The following SV2C variants were observed in gnomAD, a reference collection of about 807,000 sequenced individuals.
The protein encoded by SV2C is synaptic vesicle glycoprotein 2C, also known as solute carrier family 22 member B3.
Under a neutral mutation model 79.7 loss-of-function variants are expected in SV2C, and 49 were observed. The ratio of observed to expected loss-of-function variants is 0.61; its 90% CI spans 0.49 to 0.78. The LOEUF (loss-of-function observed/expected upper bound fraction) is 0.78. SV2C is among the 30% of genes least tolerant of loss of function. The pLI, the probability that SV2C is intolerant of heterozygous loss-of-function variation, is 0.00. For missense variants in SV2C, 833 were observed against 912.9 expected, an observed-to-expected ratio of 0.91 and a Z score of 1.13; for synonymous variants, 334 against 333.2, an observed-to-expected ratio of 1.00 and a Z score of -0.03.
the SV2C span, among the ~76,000 whole-genome samples, chr5:75,912,784 G>T: frequency 6.6e-6 from 1 of 152,094 alleles, no homozygotes; most frequent in African/African-American, 2.4e-5. Flanking sequence ...ACAGGTGATT[G>T]TTTTAAAGTC....
At chr5:75,942,397 A>G in the SV2C span, among the ~76,000 whole-genome samples, 1 of 152,244 alleles carries the variant, frequency 6.6e-6, no homozygotes, top group African/African-American at 2.4e-5. Flanking sequence ...CAGACTTTTG[A>G]CTGGTGGGAA....
At chr5:76,278,971 A>G (rs1399539330) in intron 4 of SV2C, among the ~76,000 whole-genome samples, 2 of 152,242 alleles carry the variant, frequency 1.3e-5, no homozygotes, top group African/African-American at 4.8e-5. Flanking sequence ...GAACCTGTGC[A>G]GTGCCATGGA....
the SV2C span, among the ~76,000 whole-genome samples, chr5:75,857,249 G>A: frequency 4.6e-3 from 707 of 152,084 alleles, 4 homozygotes; most frequent in African/African-American, 0.016. Flanking sequence ...GAGCCACCGC[G>A]CCCGGCCGTC....
In SV2C at chr5:76,332,832, T is replaced by G. The variant is rs1436821408; in HGVS notation, c.*7285T>G. On this transcript the variant is annotated 3_prime_UTR_variant, in exon 13 of 13. Transcript: ENST00000502798. ...AAAGAATGCTTGGCCTCCCACTGCA[T>G]AGACACAGGCCACATCACATTGAGT... is the stretch of plus-strand genomic sequence containing the variant. The G allele has an allele frequency of 6.6e-6, 1 of 152,232 alleles. No individual in the cohort carries two copies. Among genetic ancestry groups the G allele is most frequent in the Non-Finnish European group, 1.5e-5 (1 of 68,052 alleles). 9.4% of individuals were successfully genotyped at this position (152,232 alleles called of 1,614,324 possible).
the SV2C span, among the ~76,000 whole-genome samples, chr5:76,042,185 C>A: frequency 4.4e-4 from 67 of 152,212 alleles, no homozygotes; most frequent in African/African-American, 1.5e-3. Context: ...CTTAATAACA[C>A]CTTAAATATT....
At chr5:75,870,374 C>A in the SV2C span, among the ~76,000 whole-genome samples, 1 of 151,484 alleles carries the variant, frequency 6.6e-6, no homozygotes, top group African/African-American at 2.4e-5. Flanking sequence ...ACATAGTAAA[C>A]AATGCATCAG....
At chr5:76,241,629 G>A (rs1260342555) in intron 4 of SV2C, among the ~76,000 whole-genome samples, 1 of 151,440 alleles carries the variant, frequency 6.6e-6, no homozygotes, top group African/African-American at 2.5e-5. Flanking sequence ...ACAGATGTCT[G>A]GGCTTAAGGG....
chr5:76,042,908 C>A, the SV2C span, among the ~76,000 whole-genome samples: 1 of 152,160 alleles, frequency 6.6e-6, no homozygotes, highest in Non-Finnish European at 1.5e-5. Context: ...GCAATGTGAC[C>A]TTGCCAAGAA....
At chr5:75,882,253 A>G in the SV2C span, among the ~76,000 whole-genome samples, 5 of 151,732 alleles carry the variant, frequency 3.3e-5, no homozygotes, top group Non-Finnish European at 2.9e-5. Flanking sequence ...ATAAAAGAGG[A>G]TACAAACAAA....
At chr5:75,891,513 C>T in the SV2C span, among the ~76,000 whole-genome samples, 2 of 152,188 alleles carry the variant, frequency 1.3e-5, no homozygotes, top group Non-Finnish European at 1.5e-5. Context: ...AAGAGAAAAA[C>T]TATATTGAGT....
At chr5:75,910,724 T>C in the SV2C span, 7 of 1,369,214 alleles carry the variant, frequency 5.1e-6, no homozygotes, top group African/African-American at 8.6e-5. Flanking sequence ...CCAGACTATG[T>C]TTGAAGATCT....
the SV2C span, among the ~76,000 whole-genome samples, chr5:76,017,724 C>T: frequency 1.3e-5 from 2 of 152,140 alleles, no homozygotes; most frequent in Admixed American, 6.6e-5. Flanking sequence ...TCCATCTTTT[C>T]CTGTTGGGGT....
chr5:76,010,757 T>C, the SV2C span, among the ~76,000 whole-genome samples: 1 of 152,198 alleles, frequency 6.6e-6, no homozygotes, highest in African/African-American at 2.4e-5. Context: ...GTCCAGGCAG[T>C]ATGTATTAAG....
At chr5:76,238,612 T>C (rs1745691089) in intron 4 of SV2C, among the ~76,000 whole-genome samples, 1 of 152,190 alleles carries the variant, frequency 6.6e-6, no homozygotes, top group Non-Finnish European at 1.5e-5. Context: ...TCAACTAGGG[T>C]TGAGGGTGAG....
the SV2C span, among the ~76,000 whole-genome samples, chr5:75,898,006 G>A: frequency 5.3e-5 from 8 of 151,658 alleles, no homozygotes; most frequent in African/African-American, 1.2e-4. Context: ...CAATCATATC[G>A]TCTGCAAACA....
chr5:75,907,352 A>G, the SV2C span, among the ~76,000 whole-genome samples: 2 of 152,180 alleles, frequency 1.3e-5, no homozygotes, highest in East Asian at 3.9e-4. Context: ...GGGCTTTATT[A>G]TGTCTTCAGT....
At chr5:76,232,838 G>A (rs2112402884) in intron 4 of SV2C, among the ~76,000 whole-genome samples, 1 of 143,572 alleles carries the variant, frequency 7.0e-6, no homozygotes, top group South Asian at 2.1e-4. Flanking sequence ...TTTGGTTACT[G>A]TAGCCTTGTA....
chr5:75,917,046 G>T, the SV2C span, among the ~76,000 whole-genome samples: 1,992 of 152,300 alleles, frequency 0.013, 11 homozygotes, highest in Non-Finnish European at 0.021. Flanking sequence ...AACAGGACTT[G>T]CTTGGTAACA....
chr5:75,891,164 T>C, the SV2C span, among the ~76,000 whole-genome samples: 1 of 152,122 alleles, frequency 6.6e-6, no homozygotes, highest in Non-Finnish European at 1.5e-5. Context: ...GCAGTCAGTA[T>C]TGGTTGGGAT....
Sources: allele counts gnomAD v4.1 joint callset (sites outside exome capture counted in the v4.1 genomes callset), GRCh38; gene constraint gnomAD v4.1.1; transcripts MANE v1.5; gene names NCBI Gene and HGNC (gene_info 2026-07-23, HGNC 2026-07-21).